ATP11C: variants seen among roughly 807,000 people sequenced by gnomAD.
ATP11C encodes the protein ATPase phospholipid transporting 11C (ATP11C blood group).
Under a neutral mutation model 97.4 loss-of-function variants are expected in ATP11C, and 36 were observed. That is an observed-to-expected ratio of 0.37 (90% CI 0.28 to 0.49). ATP11C has a LOEUF of 0.49. Among genes scored for constraint, ATP11C ranks in the 20% least tolerant of loss-of-function variants. The pLI is 0.98. For missense variants in ATP11C, 730 were observed against 824.6 expected (o/e 0.89, Z 1.40); for synonymous variants, 275 against 290.9 (o/e 0.95, Z 0.56).
intron 1 of ATP11C, among the ~76,000 whole-genome samples, chrX:139,842,680 G>A (rs1283975416): frequency 8.9e-6 from 1 of 112,308 alleles, no homozygotes; most frequent in Non-Finnish European, 1.9e-5. Flanking sequence ...GCTGCGTAGA[G>A]TTTGTCTTAA....
At chrX:139,753,224 A>G (rs1053990317) in intron 23 of ATP11C, among the ~76,000 whole-genome samples, 9 of 111,597 alleles carry the variant, frequency 8.1e-5, no homozygotes, top group African/African-American at 2.9e-4. Context: ...AATTGGACAT[A>G]ACAATCCACA....
At chrX:139,827,134 G>A (rs1239282508) in intron 1 of ATP11C, among the ~76,000 whole-genome samples, 1 of 111,872 alleles carries the variant, frequency 8.9e-6, no homozygotes, top group Non-Finnish European at 1.9e-5. Flanking sequence ...CAGCCCAAAT[G>A]AATCTTAACC....
In ATP11C at chrX:139,797,240, C is replaced by A; in HGVS notation, c.944G>T (p.Ser315Ile). ...VCTTLKYVWQ[S>I]TPYNDEPWYN... is the part of the protein sequence containing the mutation. ...CCAAGGTTCATCATTGTATGGGGTA[C>A]TTTGCCAAACATACTTTAGAGTAGT... The change falls in exon 11 of 30, where the codon AGT becomes ATT. Residue 315 changes from serine (S) to isoleucine (I), a missense_variant. Ser to Ile is a moderately radical substitution (Grantham distance 142). Transcript: ENST00000682941. 1 of 1,201,017 alleles carries A rather than the reference C, an allele frequency of 8.3e-7. No homozygotes were observed. Among genetic ancestry groups the A allele is most frequent in the Middle Eastern group, 2.3e-4 (1 of 4,339 alleles).
At position 139,726,935 on chromosome X, in the gene ATP11C, C is replaced by T. The variant is rs927944998; in HGVS notation, c.*2031G>A. On this transcript the variant is annotated 3_prime_UTR_variant, in exon 30 of 30. Transcript: ENST00000682941. The stretch of plus-strand genomic sequence containing the variant: ...TCTTTTAAAAAGGAAAGCCAGGTCC[C>T]TCTCAAGGATCTAGGCCATGATATC... 1 of 111,663 alleles carries T rather than the reference C, an allele frequency of 9.0e-6. No homozygotes were observed. The highest frequency in any genetic ancestry group is 1.9e-5 in the Non-Finnish European group (1 of 53,057). 9.2% of individuals were successfully genotyped at this position (111,663 alleles called of 1,213,427 possible).
intron 1 of ATP11C, among the ~76,000 whole-genome samples, chrX:139,905,440 A>G (rs751406844): frequency 6.3e-4 from 70 of 111,939 alleles, no homozygotes; most frequent in Non-Finnish European, 1.2e-3. Context: ...ACCTTCTCAT[A>G]GCATTTGTCA....
intron 19 of ATP11C, among the ~76,000 whole-genome samples, chrX:139,771,281 C>G (rs983279846): frequency 9.0e-6 from 1 of 111,614 alleles, no homozygotes; most frequent in Non-Finnish European, 1.9e-5. Context: ...TAAGAAGTGC[C>G]TTTTGCCTCT....
chrX:139,869,877 C>T (rs2084345630), intron 1 of ATP11C, among the ~76,000 whole-genome samples: 1 of 88,266 alleles, frequency 1.1e-5, no homozygotes, highest in African/African-American at 4.7e-5. Context: ...ATAAGTAAAA[C>T]TAGACTGGCA....
At position 139,852,629 on chromosome X, in the gene ATP11C, T is replaced by C. The variant is rs1270832983; in HGVS notation, c.28-25806A>G. On this transcript the variant is annotated intron_variant, in intron 1 of 29. Transcript: ENST00000682941. ...GCTAAATATGTGTATGCGTGAATGA[T>C]CACCAACAACCCTGCTTACGGTGTT... Among the ~76,000 whole-genome samples the C allele has an allele frequency of 4.6e-5, 5 of 109,411 alleles. No individual in the cohort carries two copies. The East Asian group carries it at 1.2e-3, about 26-fold the overall frequency.
At chrX:139,767,163 G>A (rs992701135) in intron 20 of ATP11C, among the ~76,000 whole-genome samples, 13 of 111,853 alleles carry the variant, frequency 1.2e-4, no homozygotes, top group Non-Finnish European at 1.9e-4. Context: ...GAAAGTGTCC[G>A]AAAAAGAATG....
intron 1 of ATP11C, among the ~76,000 whole-genome samples, chrX:139,919,980 A>G (rs1005536646): frequency 2.7e-5 from 3 of 112,098 alleles, no homozygotes; most frequent in Non-Finnish European, 5.6e-5. Flanking sequence ...CAAGAGTCAA[A>G]AAGTGCGAAC....
At chrX:139,834,144 G>A (rs1402436994) in intron 1 of ATP11C, among the ~76,000 whole-genome samples, 1 of 111,822 alleles carries the variant, frequency 8.9e-6, no homozygotes, top group Non-Finnish European at 1.9e-5. Flanking sequence ...GGGGCAGGAT[G>A]AATTATGGTC....
At chrX:139,866,202 G>T in intron 1 of ATP11C, among the ~76,000 whole-genome samples, 1 of 108,819 alleles carries the variant, frequency 9.2e-6, no homozygotes, top group East Asian at 2.9e-4. Flanking sequence ...AAATTAGCTG[G>T]GTGTGGTGAT....
intron 1 of ATP11C, among the ~76,000 whole-genome samples, chrX:139,867,330 T>C (rs5954910): frequency 0.059 from 6,379 of 108,673 alleles, 446 homozygotes; most frequent in African/African-American, 0.2. Context: ...AGGAGAACAA[T>C]AAATCAAGGA....
chrX:139,855,243 C>CT (rs2084070337), intron 1 of ATP11C, among the ~76,000 whole-genome samples: 1 of 111,727 alleles, frequency 9.0e-6, no homozygotes, highest in Admixed American at 9.5e-5. Flanking sequence ...ACTATAAAGT[C>CT]CACTGCTGAT....
chrX:139,783,251 A>G lies in ATP11C; in HGVS notation c.1683T>C (p.Phe561=), dbSNP rs765834009. ...VKTQEGDILL[F]CKGADSAVFP... is the part of the protein sequence containing the mutation. ...AAACTGCCGAGTCTGCTCCTTTACA[A>G]AAGAGAAGTATGTCTCCTAAAATAA... Residue 561 remains phenylalanine, a synonymous_variant, in exon 17 of 30, where the codon TTT becomes TTC. Transcript: ENST00000682941. 5.4e-5 allele frequency: 64 copies of G among 1,194,089 alleles called. No individual in the cohort carries two copies. The Admixed American group carries it at 1.4e-3, about 26-fold the overall frequency.
Position 139,836,156 on chromosome X carries a change from T to C in ATP11C, c.28-9333A>G, listed in dbSNP as rs761885897. Among the ~76,000 whole-genome samples, 6 of 108,602 alleles carry C rather than the reference T, an allele frequency of 5.5e-5. No homozygotes were observed. In the South Asian group the frequency reaches 1.6e-3, roughly 29 times the overall value. The allele number at this position is 108,602 out of a possible 115,157, so 94.3% of individuals were successfully genotyped here. A position where few individuals can be genotyped will look rare whatever the true frequency, so the allele number is the denominator to read the frequency against. ...CAAGGGTGAGGAAGAAATTACTCCC[T>C]GTTTCAGGATAAAGAGTAACTTACA... On this transcript the variant is annotated intron_variant, in intron 1 of 29. Coordinates refer to ENST00000682941, the MANE Select transcript of ATP11C (RefSeq NM_001353812.2).
chrX:139,794,481 T>C (rs926833796), intron 12 of ATP11C, among the ~76,000 whole-genome samples: 2 of 112,301 alleles, frequency 1.8e-5, no homozygotes, highest in African/African-American at 6.5e-5. Context: ...AAGTTGCTTA[T>C]ACACTGTATT....
intron 1 of ATP11C, 77 bp downstream of exon 1, chrX:139,931,939 A>AT: frequency 1.8e-6 from 2 of 1,086,028 alleles, no homozygotes; most frequent in Non-Finnish European, 2.4e-6. Context: ...CCCTCAGAAA[A>AT]TTGTTGTGAG....
chrX:139,746,078 A>G (rs1002549120), intron 24 of ATP11C, among the ~76,000 whole-genome samples: 8 of 111,543 alleles, frequency 7.2e-5, no homozygotes, highest in African/African-American at 2.3e-4. Context: ...AACTCTTCCA[A>G]ATTTTTGGTC....
Sources: gnomAD v4.1 joint callset for allele counts (sites outside exome capture counted in the v4.1 genomes callset) on GRCh38, gnomAD v4.1.1 for gene constraint, MANE v1.5 for transcripts, NCBI Gene and HGNC (gene_info 2026-07-23, HGNC 2026-07-21) for gene names.